Variants in TMEM50B observed in about 807,000 individuals in gnomAD.
TMEM50B encodes the protein transmembrane protein 50B.
In TMEM50B, 14 loss-of-function variants were observed where a neutral mutation model predicts 23.4. That is an observed-to-expected ratio of 0.60 (90% CI 0.39 to 0.93). The LOEUF (loss-of-function observed/expected upper bound fraction) is 0.93, where lower values mean the gene tolerates loss of function less well. Among genes scored for constraint, TMEM50B ranks in the 40% least tolerant of loss-of-function variants. The pLI, the probability that TMEM50B is intolerant of heterozygous loss-of-function variation, is 0.00. For missense variants in TMEM50B, 159 were observed against 193.0 expected (o/e 0.82, Z 1.04); for synonymous variants, 64 against 62.3 (o/e 1.03, Z -0.13).
intron 4 of TMEM50B, among the ~76,000 whole-genome samples, chr21:33,461,744 G>T (rs2084218766): frequency 6.6e-6 from 1 of 151,804 alleles, no homozygotes; most frequent in Admixed American, 6.6e-5. Flanking sequence ...GGCAGAGGTT[G>T]CAGTGAGCCA....
intron 4 of TMEM50B, among the ~76,000 whole-genome samples, chr21:33,460,819 G>C (rs1471376933): frequency 6.6e-6 from 1 of 152,200 alleles, no homozygotes; most frequent in African/African-American, 2.4e-5. Flanking sequence ...AGTAGCACAT[G>C]TATTCTGGAT....
intron 5 of TMEM50B, among the ~76,000 whole-genome samples, chr21:33,456,684 G>A (rs1030464278): frequency 6.6e-6 from 1 of 152,084 alleles, no homozygotes; most frequent in Non-Finnish European, 1.5e-5. Flanking sequence ...CTATACCAAT[G>A]ACTAACTGTA....
At chr21:33,472,818 G>A (rs13048714) in intron 1 of TMEM50B, among the ~76,000 whole-genome samples, 3,720 of 151,820 alleles carry the variant, frequency 0.025, 57 homozygotes, top group Non-Finnish European at 0.037. Context: ...GTTGCAGTGA[G>A]CCAAGATCAC....
In TMEM50B at chr21:33,467,332, T is replaced by C. The variant is rs187377061; in HGVS notation, c.100-210A>G. ...CATCATGGTAAAACCTCATCTCTTC[T>C]AAAAATACAAGGCCGGGCGCAGTGC... On this transcript the variant is annotated intron_variant, in intron 2 of 6. Coordinates refer to ENST00000542230, the MANE Select transcript of TMEM50B (RefSeq NM_006134.7). 5.1e-4 allele frequency among the ~76,000 whole-genome samples: 78 copies of C among 152,234 alleles called. 1 individual carries two copies. Among genetic ancestry groups the C allele is most frequent in the African/African-American group, 1.7e-3 (69 of 41,536 alleles).
intron 8 of TMEM50B, among the ~76,000 whole-genome samples, chr21:33,435,356 C>T (rs375335692): frequency 1.2e-3 from 181 of 152,276 alleles, no homozygotes; most frequent in Middle Eastern, 3.4e-3. Context: ...CCCCCAGTCC[C>T]TCCTTCACTG....
Position 33,450,329 on chromosome 21 carries a change from T to C in TMEM50B, c.*489A>G, listed in dbSNP as rs3183852. ...TCTCCTGCCTCAGCCTCCTAGGTAG[T>C]TGGGATTACAGGCACCCACCACCAT... is the stretch of plus-strand genomic sequence containing the variant. On this transcript the variant is annotated 3_prime_UTR_variant, in exon 7 of 7. Coordinates refer to ENST00000542230, the MANE Select transcript of TMEM50B (RefSeq NM_006134.7). The C allele has an allele frequency of 0.59, 89,164 of 152,102 alleles. 28,190 individuals carry two copies. The highest frequency in any genetic ancestry group is 0.83 in the East Asian group (4,295 of 5,174). 9.4% of individuals were successfully genotyped at this position (152,102 alleles called of 1,614,324 possible). A position where few individuals can be genotyped will look rare whatever the true frequency, so the allele number is the denominator to read the frequency against.
At chr21:33,453,458 A>AC (rs2084141214) in intron 6 of TMEM50B, among the ~76,000 whole-genome samples, 1 of 152,134 alleles carries the variant, frequency 6.6e-6, no homozygotes, top group African/African-American at 2.4e-5. Context: ...AAAAAATCTG[A>AC]CCATTAGCAA....
At chr21:33,454,378 A>G (rs2084150028) in intron 6 of TMEM50B, among the ~76,000 whole-genome samples, 1 of 152,078 alleles carries the variant, frequency 6.6e-6, no homozygotes, top group African/African-American at 2.4e-5. Context: ...GACTCACTCC[A>G]ACCCCCGTGT....
At chr21:33,443,210 C>G (rs1003549992) in intron 7 of TMEM50B, among the ~76,000 whole-genome samples, 12 of 152,286 alleles carry the variant, frequency 7.9e-5, no homozygotes, top group Admixed American at 2.6e-4. Context: ...AAAATTTTGC[C>G]TGGCATAAAA....
At chr21:33,476,013 C>T (rs1363259268) in intron 1 of TMEM50B, among the ~76,000 whole-genome samples, 5 of 152,190 alleles carry the variant, frequency 3.3e-5, no homozygotes, top group South Asian at 2.1e-4. Flanking sequence ...ACCTTAAGGT[C>T]AACACCACTT....
At chr21:33,476,222 T>G (rs2084368794) in intron 1 of TMEM50B, among the ~76,000 whole-genome samples, 1 of 151,600 alleles carries the variant, frequency 6.6e-6, no homozygotes, top group African/African-American at 2.4e-5. Context: ...CCGTCTCTAC[T>G]AAGAATACAA....
chr21:33,474,279 T>C (rs1268739096), intron 1 of TMEM50B, among the ~76,000 whole-genome samples: 1 of 151,998 alleles, frequency 6.6e-6, no homozygotes, highest in Non-Finnish European at 1.5e-5. Context: ...TCAAGCGATC[T>C]GCCTGCCTCA....
rs1198816442 is a variant in TMEM50B at position 33,470,366 on chromosome 21, A to G, written c.-41-1440T>C. 2.8e-5 allele frequency among the ~76,000 whole-genome samples: 4 copies of G among 143,332 alleles called. No individual in the cohort carries two copies. In the Admixed American group the frequency reaches 3.0e-4, roughly 11 times the overall value. The allele number at this position is 143,332 out of a possible 152,430, so 94.0% of individuals were successfully genotyped here. On this transcript the variant is annotated intron_variant, in intron 1 of 6. Coordinates refer to ENST00000542230, the MANE Select transcript of TMEM50B (RefSeq NM_006134.7). The stretch of plus-strand genomic sequence containing the variant: ...CTTGAACCCGGGAGGCGAAGGTTGC[A>G]GTAAGCCAAGATTGTGCCACTGCAC...
At position 33,450,724 on chromosome 21, in the gene TMEM50B, A is replaced by G; in HGVS notation, c.*94T>C. The G allele has an allele frequency of 2.2e-6, 2 of 914,786 alleles. No homozygotes were observed. The highest frequency in any genetic ancestry group is 2.4e-5 in the Admixed American group (1 of 42,362). 56.7% of individuals were successfully genotyped at this position (914,786 alleles called of 1,614,324 possible). ...TGTAAAGAAACAAAACATTTAATGT[A>G]CAATCTACTCCATTTGGCAATGTGT... On this transcript the variant is annotated 3_prime_UTR_variant, in exon 7 of 7. Coordinates refer to ENST00000542230, the MANE Select transcript of TMEM50B (RefSeq NM_006134.7).
At chr21:33,469,979 T>A (rs528481401) in intron 1 of TMEM50B, among the ~76,000 whole-genome samples, 6 of 152,216 alleles carry the variant, frequency 3.9e-5, no homozygotes, top group South Asian at 2.1e-4. Flanking sequence ...CAGTAAGACA[T>A]AACTGGAAGA....
intron 8 of TMEM50B, among the ~76,000 whole-genome samples, chr21:33,438,396 T>G (rs2123388722): frequency 6.6e-6 from 1 of 152,326 alleles, no homozygotes; most frequent in South Asian, 2.1e-4. Context: ...TTGTGGGCAA[T>G]AAAGAGAATT....
At chr21:33,444,777 T>TA (rs1166699791), downstream of TMEM50B, among the ~76,000 whole-genome samples, 2 of 99,672 alleles carry the variant, frequency 2.0e-5, no homozygotes, top group African/African-American at 8.5e-5. Context: ...CCAGCCTGGG[T>TA]AAAATAGTGA....
chr21:33,448,215 G>A (rs886254998), downstream of TMEM50B, among the ~76,000 whole-genome samples: 6 of 151,978 alleles, frequency 3.9e-5, no homozygotes, highest in Non-Finnish European at 5.9e-5. Context: ...GGCTGGTCTC[G>A]AACTCCTGAC....
intron 4 of TMEM50B, among the ~76,000 whole-genome samples, chr21:33,464,415 G>C (rs2123442196): frequency 6.6e-6 from 1 of 150,838 alleles, no homozygotes; most frequent in Admixed American, 6.6e-5. Flanking sequence ...GGCAGGGCTG[G>C]TCTCGAACTC....
Sources: gnomAD v4.1 joint callset for allele counts (sites outside exome capture counted in the v4.1 genomes callset) on GRCh38, gnomAD v4.1.1 for gene constraint, MANE v1.5 for transcripts, NCBI Gene and HGNC (gene_info 2026-07-23, HGNC 2026-07-21) for gene names.